The following TRAPPC9 variants were observed in gnomAD, a reference collection of about 807,000 sequenced individuals.
TRAPPC9 encodes the protein trafficking protein particle complex subunit 9, also known as IKK2 binding protein.
A neutral mutation model predicts 124.0 loss-of-function variants in TRAPPC9; 83 were observed. That is an observed-to-expected ratio of 0.67 (90% confidence interval 0.56 to 0.80). The LOEUF (loss-of-function observed/expected upper bound fraction) is 0.80, where lower values mean the gene tolerates loss of function less well. Among genes scored for constraint, TRAPPC9 ranks in the 30% least tolerant of loss-of-function variants. The pLI is 0.00. For synonymous variants in TRAPPC9, 638 were observed against 617.5 expected (o/e 1.03, Z -0.49); for missense variants, 1,302 against 1,508.3 (o/e 0.86, Z 2.27).
chr8:139,948,413 G>A (rs956597565), intron 19 of TRAPPC9, among the ~76,000 whole-genome samples: 1 of 152,162 alleles, frequency 6.6e-6, no homozygotes, highest in East Asian at 1.9e-4. Flanking sequence ...GAATCCCAGG[G>A]AGCGCAGACA....
intron 17 of TRAPPC9, among the ~76,000 whole-genome samples, chr8:140,175,503 T>C (rs1225383919): frequency 1.3e-5 from 2 of 152,084 alleles, no homozygotes; most frequent in Non-Finnish European, 2.9e-5. Flanking sequence ...ACAAAAGAAA[T>C]GAACGCCAAA....
chr8:140,178,269 G>T (rs1384284877), intron 17 of TRAPPC9, among the ~76,000 whole-genome samples: 1 of 152,046 alleles, frequency 6.6e-6, no homozygotes, highest in African/African-American at 2.4e-5. Flanking sequence ...TTAGCAAGTG[G>T]GCTTCTATTT....
In TRAPPC9 at chr8:140,066,332, G is replaced by A. The variant is rs1336528822; in HGVS notation, c.2557-42253C>T. ...TTCACAGAAGCACTTTGTAAGCCCC[G>A]GGAGACCTGAGCCTATGTGAAGGGA... On this transcript the variant is annotated intron_variant, in intron 17 of 22. Transcript: ENST00000438773. Among the ~76,000 whole-genome samples the A allele has an allele frequency of 2.0e-5, 3 of 152,172 alleles. No homozygotes were observed. In the South Asian group the frequency reaches 6.2e-4, roughly 32 times the overall value.
chr8:140,125,479 G>A (rs1340666702), intron 17 of TRAPPC9, among the ~76,000 whole-genome samples: 1 of 152,018 alleles, frequency 6.6e-6, no homozygotes, highest in South Asian at 2.1e-4. Context: ...ATTTCAGAAA[G>A]CATGGCAGTG....
rs1822397974 is a variant in TRAPPC9, at chr8:139,788,069, C to T, written c.3056-55867G>A. ...GGGCATGGACTCAGAACTAGGAACC[C>T]GAATTCCAACCAGGCTTCAGCCCAG... is the stretch of plus-strand genomic sequence containing the variant. On this transcript the variant is annotated intron_variant, in intron 21 of 22. Transcript: ENST00000438773. This position sits in a 1 kb window ranked among gnomAD's most constrained non-coding sequence, Gnocchi z 4.9. 6.6e-6 allele frequency among the ~76,000 whole-genome samples: 1 copy of T among 152,144 alleles called. No individual in the cohort carries two copies. Among genetic ancestry groups the T allele is most frequent in the African/African-American group, 2.4e-5 (1 of 41,440 alleles).
At chr8:140,367,211 T>A (rs1018341003) in intron 8 of TRAPPC9, among the ~76,000 whole-genome samples, 2 of 152,226 alleles carry the variant, frequency 1.3e-5, no homozygotes, top group Non-Finnish European at 2.9e-5. Flanking sequence ...CCAGGAACCA[T>A]GCCCCTTGAT....
At chr8:139,766,832 G>A (rs189921690) in intron 21 of TRAPPC9, among the ~76,000 whole-genome samples, 6 of 152,384 alleles carry the variant, frequency 3.9e-5, no homozygotes, top group African/African-American at 4.8e-5. Context: ...CCAAGCCAAC[G>A]GAATGTCACA....
intron 17 of TRAPPC9, among the ~76,000 whole-genome samples, chr8:140,100,765 TCTCA>T (rs2060563961): frequency 6.6e-6 from 1 of 152,182 alleles, no homozygotes; most frequent in Non-Finnish European, 1.5e-5. Flanking sequence ...GTGACTGTAA[TCTCA>T]CTCACGGGTG....
chr8:139,750,861 C>A (rs1403256074), intron 21 of TRAPPC9, among the ~76,000 whole-genome samples: 1 of 152,194 alleles, frequency 6.6e-6, no homozygotes, highest in African/African-American at 2.4e-5. Flanking sequence ...CCTGGAGCAG[C>A]AGCAGGTGAC....
At position 140,252,780 on chromosome 8, in the gene TRAPPC9, C is replaced by A; in HGVS notation, c.2428G>T (p.Asp810Tyr). The A allele has an allele frequency of 1.2e-6, 2 of 1,613,906 alleles. No individual in the cohort carries two copies. Among genetic ancestry groups the A allele is most frequent in the Non-Finnish European group, 1.7e-6 (2 of 1,180,020 alleles). The change falls in exon 16 of 23, where the codon GAT becomes TAT. Residue 810 changes from aspartate to tyrosine, a missense_variant. Asp to Tyr is a radical substitution (Grantham distance 160, BLOSUM62 -3). Coordinates refer to ENST00000438773, the MANE Select transcript of TRAPPC9 (RefSeq NM_001160372.4). This position sits in a 1 kb window ranked among gnomAD's most constrained non-coding sequence, Gnocchi z 4.2. ...CQENLLQDLS[D>Y]DGISVSGFPL... ...TTAAAATTAGGAAAGCGCTTACCAT[C>A]ACTGAGATCCTGCAGGAGATTCTCC...
At chr8:140,386,161 T>C (rs181957386) in intron 7 of TRAPPC9, among the ~76,000 whole-genome samples, 10,131 of 152,196 alleles carry the variant, frequency 0.067, 875 homozygotes, top group African/African-American at 0.2. Context: ...ATTGATGGGA[T>C]GTATCTCAAA....
chr8:140,314,648 G>A (rs1027880134), intron 9 of TRAPPC9, among the ~76,000 whole-genome samples: 5 of 152,252 alleles, frequency 3.3e-5, no homozygotes, highest in South Asian at 2.1e-4. Context: ...CTAATTCCAT[G>A]AGACAAACGT....
At chr8:140,270,056 C>T (rs56238678) in intron 15 of TRAPPC9, among the ~76,000 whole-genome samples, 37,199 of 151,674 alleles carry the variant, frequency 0.25, 5,005 homozygotes, top group African/African-American at 0.35. Flanking sequence ...GCCAAGACCA[C>T]GCCACTGCAC....
At chr8:140,450,283 C>T (rs1242970145) in intron 2 of TRAPPC9, among the ~76,000 whole-genome samples, 1 of 152,178 alleles carries the variant, frequency 6.6e-6, no homozygotes, top group African/African-American at 2.4e-5. Context: ...ATCACTTGAA[C>T]CCGGGAGGTG....
intron 17 of TRAPPC9, among the ~76,000 whole-genome samples, chr8:140,057,165 A>C (rs1392849889): frequency 6.6e-6 from 1 of 152,226 alleles, no homozygotes; most frequent in Non-Finnish European, 1.5e-5. Context: ...TGTTAGGATG[A>C]CTATTATCAA....
At chr8:139,763,390 G>T (rs1820365400) in intron 21 of TRAPPC9, among the ~76,000 whole-genome samples, 1 of 152,224 alleles carries the variant, frequency 6.6e-6, no homozygotes, top group Admixed American at 6.5e-5. Flanking sequence ...ATTGAGTCAT[G>T]GGGAACTTTG....
At chr8:139,950,898 A>C (rs1352114011) in intron 19 of TRAPPC9, among the ~76,000 whole-genome samples, 2 of 152,204 alleles carry the variant, frequency 1.3e-5, no homozygotes, top group Non-Finnish European at 2.9e-5. Context: ...CGGCAAGAGG[A>C]GGCGCGGCAG....
intron 15 of TRAPPC9, among the ~76,000 whole-genome samples, chr8:140,264,267 G>A (rs972960561): frequency 2.6e-5 from 4 of 152,050 alleles, no homozygotes; most frequent in Non-Finnish European, 2.9e-5. Context: ...GGAGCCAATC[G>A]TCTCCTCCCC....
rs561336397 is a variant in TRAPPC9, at chr8:139,849,147, T to C, written c.3055+36732A>G. Among the ~76,000 whole-genome samples, 63 of 152,298 alleles carry C rather than the reference T, an allele frequency of 4.1e-4. 1 individual carries two copies. The highest frequency in any genetic ancestry group is 9.9e-4 in the African/African-American group (41 of 41,572). On this transcript the variant is annotated intron_variant, in intron 21 of 22. Transcript: ENST00000438773. Reference sequence around the variant, plus strand: ...CAGGCAAAGCCATTCCCAAATTGCATTGAGCCTTCGTCTAGGATACCTGGA... The same window carrying C: ...CAGGCAAAGCCATTCCCAAATTGCACTGAGCCTTCGTCTAGGATACCTGGA...
Sources: allele counts gnomAD v4.1 joint callset (sites outside exome capture counted in the v4.1 genomes callset), GRCh38; gene constraint gnomAD v4.1.1; non-coding constraint Gnocchi (gnomAD v3.1); transcripts MANE v1.5; gene names NCBI Gene and HGNC (gene_info 2026-07-23, HGNC 2026-07-21).